CFAP97D1: variants seen among roughly 807,000 people sequenced by gnomAD.
The protein encoded by CFAP97D1 is sperm axonemal maintenance protein CFAP97D1.
A neutral mutation model predicts 20.5 loss-of-function variants in CFAP97D1; 15 were observed. The ratio of observed to expected loss-of-function variants is 0.73; its 90% CI spans 0.49 to 1.13. The LOEUF (loss-of-function observed/expected upper bound fraction) is 1.13. CFAP97D1 is among the 50% of genes most tolerant of loss of function. The probability of loss-of-function intolerance (pLI) is 0.00; values close to 1 mark genes in which losing one functional copy is unlikely to be tolerated. For synonymous variants in CFAP97D1, 58 were observed against 71.2 expected (o/e 0.82, Z 0.93); for missense variants, 168 against 202.9 (o/e 0.83, Z 1.04).
At chr17:43,781,335 C>T in intron 2 of CFAP97D1, 146 bp downstream of exon 2, 1 of 694,906 alleles carries the variant, frequency 1.4e-6, no homozygotes, top group Non-Finnish European at 2.4e-6. Context: ...GCGTCACCCC[C>T]AGTCGTTTTT....
intron 1 of CFAP97D1, 93 bp from the exon 2 acceptor site, chr17:43,781,026 A>G (rs1974467035): frequency 7.6e-6 from 7 of 924,386 alleles, no homozygotes; most frequent in Admixed American, 5.0e-5. Context: ...GAAATTGTTC[A>G]TTAGTCAAGG....
rs2044292900 is a variant in CFAP97D1, at chr17:43,786,411, A to G, written c.*2029A>G. 6.6e-6 allele frequency: 1 copy of G among 152,222 alleles called. No homozygotes were observed. The highest frequency in any genetic ancestry group is 1.5e-5 in the Non-Finnish European group (1 of 68,036). 9.4% of individuals were successfully genotyped at this position (152,222 alleles called of 1,614,324 possible). A position where few individuals can be genotyped will look rare whatever the true frequency, so the allele number is the denominator to read the frequency against. On this transcript the variant is annotated 3_prime_UTR_variant, in exon 6 of 6. Coordinates refer to ENST00000449302, the MANE Select transcript of CFAP97D1 (RefSeq NM_001136483.3). The stretch of plus-strand genomic sequence containing the variant: ...AATGAAAATTCACAGGTAGTTGCAC[A>G]TAAAGGAACAGGGAGGCCTCCTGCA...
intron 2 of CFAP97D1, among the ~76,000 whole-genome samples, chr17:43,781,563 C>T (rs994704894): frequency 6.6e-6 from 1 of 152,094 alleles, no homozygotes; most frequent in African/African-American, 2.4e-5. Context: ...GTCTCATTAC[C>T]TCCCGCCTGC....
In CFAP97D1 at chr17:43,781,187, C is replaced by T. The variant is rs753834186; in HGVS notation, c.193C>T (p.Gln65Ter). The change falls in exon 2 of 6, where the codon CAG becomes TAG. Residue 65 changes from glutamine (Q) to a stop codon, truncating the protein, a stop_gained and splice_region_variant. Transcript: ENST00000449302. LOFTEE classifies it high-confidence loss of function. ...TCACATTTTAAAATTGAGCAAACTA[C>T]AGGTATTTGTTCTTGCTGCTTGCAG... is the stretch of plus-strand genomic sequence containing the variant. ...TNHILKLSKL[Q>*]GEQKKINKIE... 120 of 1,550,418 alleles carry T rather than the reference C, an allele frequency of 7.7e-5. No individual in the cohort carries two copies. Among genetic ancestry groups the T allele is most frequent in the Non-Finnish European group, 1.0e-4 (115 of 1,146,052 alleles).
At position 43,784,156 on chromosome 17, in the gene CFAP97D1, T is replaced by A. The variant is rs553810813; in HGVS notation, c.*1-227T>A. On this transcript the variant is annotated intron_variant, in intron 5 of 5. Transcript: ENST00000449302. ...GGAAGTGATTTGTTCCAATAAGACA[T>A]AAACTGGAAGACCTGTGGCTTTAAA... Among the ~76,000 whole-genome samples the A allele has an allele frequency of 1.1e-3, 168 of 152,322 alleles. 1 individual carries two copies. Among genetic ancestry groups the A allele is most frequent in the African/African-American group, 3.9e-3 (164 of 41,584 alleles).
intron 2 of CFAP97D1, 139 bp from the exon 3 acceptor site, chr17:43,781,635 T>G (rs2154590787): frequency 1.5e-6 from 1 of 656,022 alleles, no homozygotes; most frequent in African/African-American, 2.3e-5. Flanking sequence ...GCCCAGTCTT[T>G]TAAGTTCTGC....
At position 43,783,280 on chromosome 17, in the gene CFAP97D1, A is replaced by T; in HGVS notation, c.415A>T (p.Arg139Trp). 6.4e-7 allele frequency: 1 copy of T among 1,551,378 alleles called. No homozygotes were observed. Among genetic ancestry groups the T allele is most frequent in the Non-Finnish European group, 8.7e-7 (1 of 1,146,826 alleles). Residue 139 changes from arginine to tryptophan, a missense_variant, in exon 4 of 6, where the codon AGG (arginine) becomes TGG (tryptophan). Physicochemically the swap from Arg to Trp is moderately radical, Grantham distance 101. Coordinates refer to ENST00000449302, the MANE Select transcript of CFAP97D1 (RefSeq NM_001136483.3). ...TGATCGCAAACCCCACTATGACCGC[A>T]GGGCATCTGAGATAGACTGGCAGGC... is the stretch of plus-strand genomic sequence containing the variant. ...LVDRKPHYDR[R>W]ASEIDWQNSR...
At chr17:43,780,683 G>T in intron 1 of CFAP97D1, 97 bp downstream of exon 1, 1 of 1,358,672 alleles carries the variant, frequency 7.4e-7, no homozygotes, top group Non-Finnish European at 1.0e-6. Flanking sequence ...CACAGCTTTG[G>T]GATGATATGG....
At chr17:43,780,866 T>C (rs1485428718) in intron 1 of CFAP97D1, among the ~76,000 whole-genome samples, 1 of 152,244 alleles carries the variant, frequency 6.6e-6, no homozygotes, top group Admixed American at 6.5e-5. Context: ...TGGAAAAAGA[T>C]TGGAAGAGAA....
In CFAP97D1 at chr17:43,783,243, G is replaced by T; in HGVS notation, c.378G>T (p.Leu126=). The T allele has an allele frequency of 6.4e-7, 1 of 1,551,470 alleles. No homozygotes were observed. The highest frequency in any genetic ancestry group is 1.2e-5 in the South Asian group (1 of 84,056). The change falls in exon 4 of 6, where the codon CTG becomes CTT. Residue 126 remains leucine (L), a synonymous_variant. Coordinates refer to ENST00000449302, the MANE Select transcript of CFAP97D1 (RefSeq NM_001136483.3). The part of the protein sequence containing the change: ...VRITMENQGI[L]KRLVDRKPHY... ...TCACCATGGAAAACCAGGGCATTCT[G>T]AAGAGGCTTGTTGATCGCAAACCCC...
intron 4 of CFAP97D1, 139 bp downstream of exon 4, chr17:43,783,442 C>T: frequency 8.7e-7 from 1 of 1,151,192 alleles, no homozygotes; most frequent in Non-Finnish European, 1.2e-6. Context: ...AAAAACCATC[C>T]AAAGCAAACA....
intron 3 of CFAP97D1, 37 bp downstream of exon 3, chr17:43,781,929 C>A: frequency 7.2e-7 from 1 of 1,385,094 alleles, no homozygotes; most frequent in South Asian, 1.2e-5. Flanking sequence ...TTTGAAAAGT[C>A]AAAATTGACT....
At position 43,783,216 on chromosome 17, in the gene CFAP97D1, A is replaced by G; in HGVS notation, c.351A>G (p.Arg117=). ...NRETRNRELV[R]ITMENQGILK... Reference sequence around the variant, plus strand: ...AAACAAGGAACCGCGAGCTAGTGAGAATCACCATGGAAAACCAGGGCATTC... The same window carrying G: ...AAACAAGGAACCGCGAGCTAGTGAGGATCACCATGGAAAACCAGGGCATTC... The change falls in exon 4 of 6, where the codon AGA becomes AGG. Residue 117 remains arginine, a synonymous_variant. Transcript: ENST00000449302. 1 of 1,551,428 alleles carries G rather than the reference A, an allele frequency of 6.4e-7. No individual in the cohort carries two copies. Among genetic ancestry groups the G allele is most frequent in the East Asian group, 2.4e-5 (1 of 40,932 alleles).
chr17:43,780,497 T>A lies in CFAP97D1; in HGVS notation c.35T>A (p.Val12Asp), dbSNP rs1412825319. The A allele has an allele frequency of 2.6e-6, 4 of 1,551,590 alleles. No individual in the cohort carries two copies. Among genetic ancestry groups the A allele is most frequent in the Non-Finnish European group, 3.5e-6 (4 of 1,146,982 alleles). Reference protein sequence around the residue: ...NNSLDYLAYPVIVSNHRQSTT... With the variant: ...NNSLDYLAYPDIVSNHRQSTT... ...TCCCTGGATTATCTGGCCTACCCTG[T>A]TATCGTCTCTAATCACAGGCAAAGC... The change falls in exon 1 of 6, where the codon GTT (valine) becomes GAT (aspartate). Residue 12 changes from valine (V) to aspartate (D), a missense_variant. By Grantham distance (152) the Val-to-Asp change is radical. Transcript: ENST00000449302.
intron 2 of CFAP97D1, 21 bp from the exon 3 acceptor site, chr17:43,781,753 T>C (rs1196759369): frequency 7.0e-7 from 1 of 1,432,778 alleles, no homozygotes; most frequent in Admixed American, 2.0e-5. Flanking sequence ...GTCACCATGG[T>C]GAGGTGTGGT....
intron 2 of CFAP97D1, 47 bp from the exon 3 acceptor site, chr17:43,781,727 G>A: frequency 8.4e-7 from 1 of 1,189,580 alleles, no homozygotes; most frequent in South Asian, 1.3e-5. Context: ...GTGTGTTGGG[G>A]CAGTGCACTG....
rs1446828610 is a variant in CFAP97D1 at position 43,781,868 on chromosome 17, G to T, written c.290G>T (p.Cys97Phe). Residue 97 changes from cysteine (C) to phenylalanine (F), a missense_variant, in exon 3 of 6, where the codon TGC becomes TTC. Coordinates refer to ENST00000449302, the MANE Select transcript of CFAP97D1 (RefSeq NM_001136483.3). The part of the protein sequence containing the change: ...NAHRGPAKVD[C>F]WNEYFSKSLN... ...CATCGCGGCCCTGCCAAGGTGGATT[G>T]CTGGAATGAATATTTTTCCAAGAGG... 6.5e-7 allele frequency: 1 copy of T among 1,550,166 alleles called. No homozygotes were observed. The highest frequency in any genetic ancestry group is 8.7e-7 in the Non-Finnish European group (1 of 1,145,606).
intron 4 of CFAP97D1, among the ~76,000 whole-genome samples, 160 bp downstream of exon 4, chr17:43,783,463 G>T (rs938939051): frequency 6.6e-6 from 1 of 151,586 alleles, no homozygotes; most frequent in African/African-American, 2.4e-5. Flanking sequence ...AAGCTAACAG[G>T]CACAAACCAT....
rs1974459775 is a variant in CFAP97D1 at position 43,780,531 on chromosome 17, CAGAA to C, written c.75_78del (p.Lys25AsnfsTer16). ...CTAATCACAGGCAAAGCACAACCTT[CAGAA>C]AGAAACTGGACTTTGGCCACTACGT... On this transcript the variant is annotated frameshift_variant, in exon 1 of 6. Coordinates refer to ENST00000449302, the MANE Select transcript of CFAP97D1 (RefSeq NM_001136483.3). LOFTEE classifies it high-confidence loss of function. 6.4e-7 allele frequency: 1 copy of C among 1,551,538 alleles called. No homozygotes were observed.
Sources: gnomAD v4.1 joint callset for allele counts (sites outside exome capture counted in the v4.1 genomes callset) on GRCh38, gnomAD v4.1.1 for gene constraint, MANE v1.5 for transcripts, NCBI Gene and HGNC (gene_info 2026-07-23, HGNC 2026-07-21) for gene names.